Variants in CERK observed in about 807,000 individuals in gnomAD.
CERK encodes ceramide kinase.
In CERK, 39 loss-of-function variants were observed where a neutral mutation model predicts 63.4. The observed-to-expected ratio is 0.61, with a 90% CI of 0.48 to 0.80. The LOEUF (loss-of-function observed/expected upper bound fraction) is 0.80, where lower values mean the gene tolerates loss of function less well. Among genes scored for constraint, CERK ranks in the 30% least tolerant of loss-of-function variants. CERK has a pLI of 0.00. For synonymous variants in CERK, 302 were observed against 280.0 expected, an observed-to-expected ratio of 1.08 and a Z score of -0.78; for missense variants, 670 against 714.1, an observed-to-expected ratio of 0.94 and a Z score of 0.70.
intron 1 of CERK, among the ~76,000 whole-genome samples, chr22:46,725,575 G>A (rs1026515866): frequency 6.6e-5 from 10 of 152,260 alleles, no homozygotes; most frequent in African/African-American, 1.9e-4. Flanking sequence ...ATCTTGCAAA[G>A]GGCGGAAGGT....
At chr22:46,690,997 A>G (rs1569318226) in intron 11 of CERK, among the ~76,000 whole-genome samples, 1 of 148,254 alleles carries the variant, frequency 6.7e-6, no homozygotes, top group African/African-American at 2.5e-5. Context: ...ATATGTATGT[A>G]TGTGTATGTA....
chr22:46,696,634 T>TC (rs1238903024), intron 8 of CERK, among the ~76,000 whole-genome samples: 2 of 152,220 alleles, frequency 1.3e-5, no homozygotes, highest in East Asian at 3.8e-4. Context: ...TCATTCTCCT[T>TC]CCATGCCCTC....
intron 12 of CERK, among the ~76,000 whole-genome samples, chr22:46,687,578 T>TCCCCC (rs2082709077): frequency 1.3e-5 from 2 of 151,418 alleles, no homozygotes; most frequent in Non-Finnish European, 3.0e-5. Context: ...GTCTGCCCAC[T>TCCCCC]CCACCCACCC....
chr22:46,695,442 G>A, intron 8 of CERK, 127 bp from the exon 9 acceptor site: 1 of 692,556 alleles, frequency 1.4e-6, no homozygotes, highest in African/African-American at 1.7e-5. Flanking sequence ...GGAGGGAGAG[G>A]CCGGGCCTGC....
At chr22:46,709,067 C>T (rs916441132) in intron 5 of CERK, among the ~76,000 whole-genome samples, 2 of 152,142 alleles carry the variant, frequency 1.3e-5, no homozygotes, top group African/African-American at 2.4e-5. Flanking sequence ...TGCCCTTCCC[C>T]GTAGCCTACA....
intron 12 of CERK, among the ~76,000 whole-genome samples, chr22:46,688,762 C>T (rs2082715678): frequency 6.6e-6 from 1 of 152,242 alleles, no homozygotes; most frequent in Admixed American, 6.5e-5. Flanking sequence ...GACCAGCCTG[C>T]TATCGCTCTC....
chr22:46,691,052 T>TACACACAC (rs753033175), intron 11 of CERK, among the ~76,000 whole-genome samples: 82 of 78,500 alleles, frequency 1.0e-3, no homozygotes, highest in African/African-American at 3.6e-3. Context: ...CATGTATACA[T>TACACACAC]ACATACACAC....
intron 5 of CERK, among the ~76,000 whole-genome samples, chr22:46,710,212 T>A (rs1297004958): frequency 6.6e-6 from 1 of 152,168 alleles, no homozygotes; most frequent in East Asian, 1.9e-4. Flanking sequence ...GTCGCGTGGA[T>A]CACCTGAGGT....
In CERK at chr22:46,687,140, G is replaced by A. The variant is rs372274676; in HGVS notation, c.1608C>T (p.His536=). 8.1e-6 allele frequency: 13 copies of A among 1,613,974 alleles called. No homozygotes were observed. The highest frequency in any genetic ancestry group is 2.7e-5 in the African/African-American group (2 of 74,936). The change falls in exon 13 of 13, where the codon CAC becomes CAT. Residue 536 remains histidine, a synonymous_variant. Coordinates refer to ENST00000216264, the MANE Select transcript of CERK (RefSeq NM_022766.6). The part of the protein sequence containing the change: ...GIEENPKPDS[H]S The stretch of plus-strand genomic sequence containing the variant: ...TGAGCAGGACGCCGGCTTCTCAGCT[G>A]TGTGAGTCTGGCTTCGGATTCTCTT...
At chr22:46,716,298 C>T (rs920522864) in intron 3 of CERK, among the ~76,000 whole-genome samples, 2 of 151,348 alleles carry the variant, frequency 1.3e-5, no homozygotes, top group African/African-American at 4.9e-5. Context: ...TCAAGTGATT[C>T]TCCTGCCTCA....
At chr22:46,737,301 A>AAAC (rs2082978963) in intron 1 of CERK, among the ~76,000 whole-genome samples, 1 of 45,012 alleles carries the variant, frequency 2.2e-5, no homozygotes, top group African/African-American at 3.7e-5. Context: ...CAAAAAAAAA[A>AAAC]AAAAACAAAA....
chr22:46,687,711 C>T lies in CERK; in HGVS notation c.1542-505G>A, dbSNP rs571465587. On this transcript the variant is annotated intron_variant, in intron 12 of 12. Transcript: ENST00000216264. ...CAGATGAGAAGGACAGGTGGCCCAA[C>T]GCCAGCAAGAGCCTTCGGGCTTGAG... Among the ~76,000 whole-genome samples, 10 of 152,236 alleles carry T rather than the reference C, an allele frequency of 6.6e-5. No homozygotes were observed. In the South Asian group the frequency reaches 1.5e-3, roughly 22 times the overall value.
At position 46,714,012 on chromosome 22, in the gene CERK, G is replaced by C. The variant is rs1462478949; in HGVS notation, c.380-1719C>G. Among the ~76,000 whole-genome samples the C allele has an allele frequency of 6.6e-6, 1 of 152,110 alleles. No homozygotes were observed. The highest frequency in any genetic ancestry group is 1.5e-5 in the Non-Finnish European group (1 of 68,014). On this transcript the variant is annotated intron_variant, in intron 3 of 12. Coordinates refer to ENST00000216264, the MANE Select transcript of CERK (RefSeq NM_022766.6). The surrounding 1 kb of genome is among the most constrained non-coding windows in gnomAD (Gnocchi z 4.4). ...AGGCCAGGCTCAGTGGCTCACGCCT[G>C]TTAATCCCAACACTTTGGGAGGCCG...
At chr22:46,716,735 T>C (rs1460248162) in intron 3 of CERK, among the ~76,000 whole-genome samples, 1 of 151,270 alleles carries the variant, frequency 6.6e-6, no homozygotes, top group Non-Finnish European at 1.5e-5. Flanking sequence ...GGCCAAGAGT[T>C]CAAGATCAGC....
At chr22:46,730,446 G>T (rs1378230671) in intron 1 of CERK, among the ~76,000 whole-genome samples, 1 of 151,948 alleles carries the variant, frequency 6.6e-6, no homozygotes, top group East Asian at 1.9e-4. Flanking sequence ...TTTCAGGAAA[G>T]AAATGGAAAC....
intron 3 of CERK, among the ~76,000 whole-genome samples, chr22:46,717,429 G>A (rs893080186): frequency 1.3e-5 from 2 of 152,212 alleles, no homozygotes; most frequent in African/African-American, 4.8e-5. Context: ...TTCACATCAC[G>A]GAATACCATA....
chr22:46,701,962 C>T lies in CERK; in HGVS notation c.716-252G>A, dbSNP rs1057016078. ...TTGAGAGGCCGAGGTGGGCGGATGA[C>T]TTGAGGTCAGGAGTTCGAGACCAGC... is the stretch of plus-strand genomic sequence containing the variant. On this transcript the variant is annotated intron_variant, in intron 6 of 12. Coordinates refer to ENST00000216264, the MANE Select transcript of CERK (RefSeq NM_022766.6). Among the ~76,000 whole-genome samples, 6 of 152,258 alleles carry T rather than the reference C, an allele frequency of 3.9e-5. No homozygotes were observed. The South Asian group carries it at 1.0e-3, about 26-fold the overall frequency.
chr22:46,691,169 G>A (rs1045237289), intron 11 of CERK, among the ~76,000 whole-genome samples: 1 of 152,042 alleles, frequency 6.6e-6, no homozygotes, highest in South Asian at 2.1e-4. Flanking sequence ...CCACCTCCTG[G>A]GTTCAAGCGA....
rs754140409 is a variant in CERK at position 46,711,140 on chromosome 22, T to C, written c.515A>G (p.His172Arg). ...SITTDIIVTE[H>R]ANQAKETLYE... ...CAGAGTCTCCTTGGCCTGATTAGCA[T>C]GTTCAGTAACTGTGGGGAAAAATTA... Residue 172 changes from histidine to arginine, a missense_variant, in exon 5 of 13, where the codon CAT (histidine) becomes CGT (arginine). By Grantham distance (29) the His-to-Arg change is conservative. Transcript: ENST00000216264. 6.2e-7 allele frequency: 1 copy of C among 1,613,576 alleles called. No homozygotes were observed. Among genetic ancestry groups the C allele is most frequent in the African/African-American group, 1.3e-5 (1 of 75,052 alleles).
Sources: allele counts gnomAD v4.1 joint callset (sites outside exome capture counted in the v4.1 genomes callset), GRCh38; gene constraint gnomAD v4.1.1; non-coding constraint Gnocchi (gnomAD v3.1); transcripts MANE v1.5; gene names NCBI Gene and HGNC (gene_info 2026-07-23, HGNC 2026-07-21).